The following TARS3 variants were observed in gnomAD, a reference collection of about 807,000 sequenced individuals.
The protein encoded by TARS3 is threonyl-tRNA synthetase 3.
In TARS3, 94 loss-of-function variants were observed where a neutral mutation model predicts 103.5. The observed-to-expected ratio is 0.91, with a 90% CI of 0.77 to 1.08. The LOEUF (loss-of-function observed/expected upper bound fraction) is 1.08. TARS3 is among the 50% of genes least tolerant of loss of function. TARS3 has a pLI of 0.00. For missense variants in TARS3, 952 were observed against 995.2 expected (o/e 0.96, Z 0.58); for synonymous variants, 416 against 355.4 (o/e 1.17, Z -1.92).
intron 15 of TARS3, among the ~76,000 whole-genome samples, chr15:101,666,561 T>C (rs1897588981): frequency 6.6e-6 from 1 of 151,486 alleles, no homozygotes; most frequent in Non-Finnish European, 1.5e-5. Context: ...TAAGTTAATA[T>C]ATATTTTTAA....
At chr15:101,716,724 G>A (rs548804475) in intron 3 of TARS3, among the ~76,000 whole-genome samples, 55 of 152,170 alleles carry the variant, frequency 3.6e-4, no homozygotes, top group African/African-American at 1.3e-3. Context: ...CTAGGTCAAG[G>A]GAAATGCATT....
chr15:101,685,361 T>C (rs1898423908), intron 11 of TARS3, among the ~76,000 whole-genome samples: 1 of 152,202 alleles, frequency 6.6e-6, no homozygotes, highest in Admixed American at 6.5e-5. Flanking sequence ...AAAATGTATC[T>C]TCATTTTATG....
intron 15 of TARS3, among the ~76,000 whole-genome samples, chr15:101,666,068 G>A (rs1897566087): frequency 6.6e-6 from 1 of 152,118 alleles, no homozygotes; most frequent in Admixed American, 6.5e-5. Flanking sequence ...TTACCTCACT[G>A]TAAGCATCAA....
chr15:101,703,459 GCAGGCCTGTAAT>G (rs1306931302), intron 8 of TARS3, among the ~76,000 whole-genome samples: 2 of 152,024 alleles, frequency 1.3e-5, no homozygotes, highest in Non-Finnish European at 2.9e-5. Context: ...GTGGGGTGGT[GCAGGCCTGTAAT>G]CACAGCTCCT....
intron 10 of TARS3, among the ~76,000 whole-genome samples, chr15:101,688,956 T>G (rs1898590611): frequency 2.0e-5 from 3 of 152,210 alleles, no homozygotes. Flanking sequence ...TTTTTCTCTC[T>G]GGAAACATTC....
intron 5 of TARS3, among the ~76,000 whole-genome samples, chr15:101,710,014 G>C (rs888680261): frequency 6.6e-6 from 1 of 152,196 alleles, no homozygotes; most frequent in Non-Finnish European, 1.5e-5. Flanking sequence ...CATGATTAAA[G>C]GGTTGGGACT....
At chr15:101,709,106 C>A (rs977133119) in intron 5 of TARS3, among the ~76,000 whole-genome samples, 196 bp from the exon 6 acceptor site, 1 of 152,210 alleles carries the variant, frequency 6.6e-6, no homozygotes, top group Non-Finnish European at 1.5e-5. Context: ...GTTGCCAAGA[C>A]CTGCCTCATT....
At chr15:101,702,586 G>A (rs1364186403) in intron 8 of TARS3, among the ~76,000 whole-genome samples, 5 of 152,032 alleles carry the variant, frequency 3.3e-5, no homozygotes, top group African/African-American at 9.7e-5. Flanking sequence ...CCTGGACAAC[G>A]TGGCAAAACC....
At chr15:101,671,403 T>C (rs1897796545) in intron 15 of TARS3, 83 bp downstream of exon 15, 11 of 977,968 alleles carry the variant, frequency 1.1e-5, no homozygotes, top group Non-Finnish European at 1.4e-5. Context: ...CATTCACTAA[T>C]GTTTATTTTT....
At chr15:101,715,572 C>T (rs982892170) in intron 3 of TARS3, among the ~76,000 whole-genome samples, 3 of 152,184 alleles carry the variant, frequency 2.0e-5, no homozygotes, top group African/African-American at 7.2e-5. Context: ...GGTTTTTCTA[C>T]CTCCATCCAC....
intron 18 of TARS3, chr15:101,655,819 T>C: frequency 3.2e-6 from 4 of 1,233,604 alleles, no homozygotes; most frequent in Non-Finnish European, 4.2e-6. Context: ...AGGGTGCAGA[T>C]GAGAGCGGGG....
chr15:101,701,734 C>T (rs1166219701), intron 9 of TARS3, among the ~76,000 whole-genome samples: 1 of 152,174 alleles, frequency 6.6e-6, no homozygotes, highest in East Asian at 1.9e-4. Context: ...TGCTCTGTCT[C>T]CCAGATACAA....
chr15:101,700,862 G>A (rs1030779897), intron 10 of TARS3, among the ~76,000 whole-genome samples: 1 of 152,010 alleles, frequency 6.6e-6, no homozygotes, highest in Non-Finnish European at 1.5e-5. Context: ...GGCTGGTCTC[G>A]AACTCCTGAC....
At chr15:101,723,943 CAGGG>C in intron 1 of TARS3, 144 bp downstream of exon 1, 1 of 323,498 alleles carries the variant, frequency 3.1e-6, no homozygotes, top group South Asian at 2.0e-4. Flanking sequence ...GACCACCGAG[CAGGG>C]CAGGGCGGGC....
chr15:101,683,827 A>T (rs990210679), intron 12 of TARS3, among the ~76,000 whole-genome samples: 1 of 152,218 alleles, frequency 6.6e-6, no homozygotes, highest in Non-Finnish European at 1.5e-5. Flanking sequence ...CCAGAATTCC[A>T]CCAAATCCCT....
intron 10 of TARS3, among the ~76,000 whole-genome samples, chr15:101,700,633 T>C (rs992265532): frequency 6.6e-6 from 1 of 151,020 alleles, no homozygotes; most frequent in African/African-American, 2.4e-5. Context: ...AGGTACAATC[T>C]AGTACCTCAC....
chr15:101,676,267 TTTTTGTTTTG>T (rs531788618), intron 12 of TARS3, among the ~76,000 whole-genome samples: 2 of 151,686 alleles, frequency 1.3e-5, no homozygotes, highest in Non-Finnish European at 2.9e-5. Flanking sequence ...CAATGAAGGG[TTTTTGTTTTG>T]TTTTGTTTTG....
chr15:101,711,749 A>C, intron 5 of TARS3, 131 bp downstream of exon 5: 1 of 1,060,436 alleles, frequency 9.4e-7, no homozygotes, highest in South Asian at 1.9e-5. Flanking sequence ...TTTCAACTGC[A>C]TGGGCGTCGG....
intron 18 of TARS3, chr15:101,655,885 G>A (rs755999752): frequency 2.8e-5 from 36 of 1,287,538 alleles, no homozygotes; most frequent in Non-Finnish European, 3.5e-5. Context: ...CCAAGGAGTG[G>A]ACACCAGACC....
Sources: allele counts gnomAD v4.1 joint callset (sites outside exome capture counted in the v4.1 genomes callset), GRCh38; gene constraint gnomAD v4.1.1; transcripts MANE v1.5; gene names NCBI Gene and HGNC (gene_info 2026-07-23, HGNC 2026-07-21).